The following CHCHD3 variants were observed in gnomAD, a reference collection of about 807,000 sequenced individuals.
The protein encoded by CHCHD3 is MICOS complex subunit MIC19.
CHCHD3 carries 20 observed loss-of-function variants against 38.2 expected under a neutral mutation model. That is an observed-to-expected ratio of 0.52 (90% CI 0.37 to 0.76). The LOEUF is 0.76. Ranked by LOEUF, CHCHD3 falls within the 30% of genes least tolerant of loss-of-function variation. The pLI is 0.00. For synonymous variants in CHCHD3, 82 were observed against 100.0 expected (o/e 0.82, Z 1.07); for missense variants, 245 against 279.2 (o/e 0.88, Z 0.87).
rs777869605 is a variant in CHCHD3, at chr7:133,035,954, TA to T, written c.170-11328del. 1 of 1,452,366 alleles carries T rather than the reference TA, an allele frequency of 6.9e-7. No homozygotes were observed. Among genetic ancestry groups the T allele is most frequent in the Non-Finnish European group, 9.6e-7 (1 of 1,047,030 alleles). 90.0% of individuals were successfully genotyped at this position (1,452,366 alleles called of 1,614,324 possible). A position where few individuals can be genotyped will look rare whatever the true frequency, so the allele number is the denominator to read the frequency against. On this transcript the variant is annotated intron_variant, in intron 2 of 7. Transcript: ENST00000262570. This position sits in a 1 kb window ranked among gnomAD's most constrained non-coding sequence, Gnocchi z 4.7. ...CGCAAAGAAAGGCTGGATCCAGTCT[TA>T]AAAGTGTTATCAGGTAGGGGTCCTT...
intron 4 of CHCHD3, among the ~76,000 whole-genome samples, chr7:132,930,270 A>T (rs951208505): frequency 6.6e-6 from 1 of 150,526 alleles, no homozygotes; most frequent in African/African-American, 2.4e-5. Context: ...TGGTTCAAGC[A>T]ATTCCCCTGC....
intron 3 of CHCHD3, among the ~76,000 whole-genome samples, chr7:132,983,093 G>A (rs1489201341): frequency 3.3e-5 from 5 of 152,196 alleles, no homozygotes; most frequent in Admixed American, 3.3e-4. Context: ...GAGGCAAGAC[G>A]GGTGGATTAC....
intron 2 of CHCHD3, among the ~76,000 whole-genome samples, chr7:133,049,656 T>C (rs965257301): frequency 2.0e-5 from 3 of 152,206 alleles, no homozygotes; most frequent in Non-Finnish European, 2.9e-5. Context: ...GTTTGAAAGA[T>C]GTTTCAAAAA....
At chr7:133,077,359 C>T (rs573400336) in intron 1 of CHCHD3, among the ~76,000 whole-genome samples, 3 of 152,248 alleles carry the variant, frequency 2.0e-5, no homozygotes, top group South Asian at 2.1e-4. Flanking sequence ...TCAGTAATAC[C>T]GCATATTAAG....
intron 4 of CHCHD3, among the ~76,000 whole-genome samples, chr7:132,959,831 T>C (rs1159513947): frequency 2.6e-5 from 4 of 152,034 alleles, no homozygotes; most frequent in African/African-American, 4.8e-5. Flanking sequence ...ATTAGGGAAC[T>C]CAAACAGCCT....
In CHCHD3 at chr7:132,940,882, A is replaced by G. The variant is rs966259795; in HGVS notation, c.369+34287T>C. 1.3e-4 allele frequency among the ~76,000 whole-genome samples: 20 copies of G among 151,934 alleles called. 1 individual carries two copies. The highest frequency in any genetic ancestry group is 4.8e-4 in the African/African-American group (20 of 41,342). The stretch of plus-strand genomic sequence containing the variant: ...AGTGGATGAGTTAAGGTATTGTTCC[A>G]CCCGCCCTGTCAGTTTTCATTTTTA... On this transcript the variant is annotated intron_variant, in intron 4 of 7. Transcript: ENST00000262570.
At chr7:132,950,389 G>A (rs1811009615) in intron 4 of CHCHD3, among the ~76,000 whole-genome samples, 1 of 152,118 alleles carries the variant, frequency 6.6e-6, no homozygotes, top group East Asian at 1.9e-4. Context: ...AAAAAGATGT[G>A]GCTTAATTTG....
chr7:132,792,894 G>A (rs1806500166), intron 7 of CHCHD3, among the ~76,000 whole-genome samples: 1 of 152,170 alleles, frequency 6.6e-6, no homozygotes, highest in Non-Finnish European at 1.5e-5. Context: ...AGCAGGGCTG[G>A]GAAAAAGCTG....
At chr7:132,840,406 A>G (rs1254547295) in intron 5 of CHCHD3, among the ~76,000 whole-genome samples, 1 of 152,234 alleles carries the variant, frequency 6.6e-6, no homozygotes, top group Non-Finnish European at 1.5e-5. Flanking sequence ...TGGCTAAGCA[A>G]TAACATCTTA....
chr7:133,035,033 C>G lies in CHCHD3; in HGVS notation c.170-10406G>C. ...CAGAGAGTGTGTCCTCATTGGAGTACTTGCGCTTAAATTCATCCAACACAA... is the reference window on the plus strand; with the variant it reads ...CAGAGAGTGTGTCCTCATTGGAGTAGTTGCGCTTAAATTCATCCAACACAA... On this transcript the variant is annotated intron_variant, in intron 2 of 7. Transcript: ENST00000262570. The surrounding 1 kb of genome is among the most constrained non-coding windows in gnomAD (Gnocchi z 4.7). The G allele has an allele frequency of 3.1e-6, 5 of 1,613,290 alleles. No homozygotes were observed. The highest frequency in any genetic ancestry group is 4.2e-6 in the Non-Finnish European group (5 of 1,179,522).
At chr7:132,859,808 A>G (rs763661134) in intron 5 of CHCHD3, among the ~76,000 whole-genome samples, 7 of 152,120 alleles carry the variant, frequency 4.6e-5, no homozygotes, top group Non-Finnish European at 8.8e-5. Context: ...CTTGACCTAC[A>G]CTTGGTCTCT....
At chr7:132,850,720 G>A (rs1459958424) in intron 5 of CHCHD3, among the ~76,000 whole-genome samples, 1 of 152,142 alleles carries the variant, frequency 6.6e-6, no homozygotes, top group Non-Finnish European at 1.5e-5. Context: ...GCAAACAGAT[G>A]AATGGCCCTG....
At chr7:132,821,743 A>G (rs1807379690) in intron 6 of CHCHD3, among the ~76,000 whole-genome samples, 1 of 143,882 alleles carries the variant, frequency 7.0e-6, no homozygotes, top group African/African-American at 2.6e-5. Context: ...CTTAGCACTC[A>G]AATCTTTTTT....
At chr7:132,794,070 T>A (rs1193467682) in intron 7 of CHCHD3, among the ~76,000 whole-genome samples, 1 of 152,180 alleles carries the variant, frequency 6.6e-6, no homozygotes, top group Non-Finnish European at 1.5e-5. Flanking sequence ...AATGGGCCAG[T>A]GCCAAGTTGC....
chr7:132,837,585 T>A (rs946737953), intron 6 of CHCHD3, among the ~76,000 whole-genome samples: 4 of 152,230 alleles, frequency 2.6e-5, no homozygotes. Flanking sequence ...TAGCAGAAAG[T>A]AGTAATTCCA....
chr7:132,908,874 G>A (rs2117215956), intron 4 of CHCHD3, among the ~76,000 whole-genome samples: 1 of 152,160 alleles, frequency 6.6e-6, no homozygotes, highest in Non-Finnish European at 1.5e-5. Flanking sequence ...ATAATGCTAG[G>A]TCTTAATTAA....
chr7:132,833,682 A>C (rs910112233), intron 6 of CHCHD3, among the ~76,000 whole-genome samples: 4 of 152,208 alleles, frequency 2.6e-5, no homozygotes, highest in African/African-American at 4.8e-5. Flanking sequence ...GAAACAATCC[A>C]TTAATTCTCA....
At chr7:132,790,186 A>G (rs142347906) in intron 7 of CHCHD3, among the ~76,000 whole-genome samples, 313 of 152,262 alleles carry the variant, frequency 2.1e-3, no homozygotes, top group Middle Eastern at 0.014. Flanking sequence ...TTCTGCCTGG[A>G]TCTTGTTTTA....
At chr7:132,850,251 G>A (rs1180075647) in intron 5 of CHCHD3, among the ~76,000 whole-genome samples, 1 of 152,126 alleles carries the variant, frequency 6.6e-6, no homozygotes, top group African/African-American at 2.4e-5. Flanking sequence ...TCTCTGAGAA[G>A]TCACATTTCA....
Sources: gnomAD v4.1 joint callset for allele counts (sites outside exome capture counted in the v4.1 genomes callset) on GRCh38, gnomAD v4.1.1 for gene constraint, Gnocchi (gnomAD v3.1) non-coding constraint, MANE v1.5 for transcripts, NCBI Gene and HGNC (gene_info 2026-07-23, HGNC 2026-07-21) for gene names.